The following BEND2 variants were observed in gnomAD, a reference collection of about 807,000 sequenced individuals.
BEND2 encodes the protein BEN domain-containing protein 2.
BEND2 carries 19 observed loss-of-function variants against 43.8 expected under a neutral mutation model. That is an observed-to-expected ratio of 0.43 (90% CI 0.30 to 0.64). BEND2 has a LOEUF of 0.64. Ranked by LOEUF, BEND2 falls within the 30% of genes least tolerant of loss-of-function variation. BEND2 has a pLI of 0.11. For missense variants in BEND2, 544 were observed against 574.0 expected, an observed-to-expected ratio of 0.95 and a Z score of 0.53; for synonymous variants, 226 against 210.1, an observed-to-expected ratio of 1.08 and a Z score of -0.66.
At chrX:18,200,502 C>CAAA (rs397895069) in intron 6 of BEND2, among the ~76,000 whole-genome samples, 1 of 38,512 alleles carries the variant, frequency 2.6e-5, no homozygotes, top group East Asian at 9.1e-4. Context: ...GACTCTGTCT[C>CAAA]AAAAAAAAAA....
At chrX:18,198,730 C>G (rs1925042018) in intron 6 of BEND2, among the ~76,000 whole-genome samples, 1 of 110,641 alleles carries the variant, frequency 9.0e-6, no homozygotes, top group Non-Finnish European at 1.9e-5. Context: ...ATAAATCATG[C>G]TGCTATAAAG....
chrX:18,201,762 G>A (rs1925172776), intron 6 of BEND2, 53 bp downstream of exon 6: 2 of 1,151,960 alleles, frequency 1.7e-6, no homozygotes, highest in South Asian at 2.0e-5. Context: ...CAAAGTGCTG[G>A]GATTACAAGT....
chrX:18,174,612 TTC>T (rs1029183264), intron 11 of BEND2, among the ~76,000 whole-genome samples: 3 of 112,083 alleles, frequency 2.7e-5, no homozygotes, highest in African/African-American at 6.5e-5. Context: ...TTTGTTTGTA[TTC>T]TTTTTCCCTA....
At chrX:18,198,816 T>G (rs1355416037) in intron 6 of BEND2, among the ~76,000 whole-genome samples, 1 of 108,200 alleles carries the variant, frequency 9.2e-6, no homozygotes, top group African/African-American at 3.4e-5. Flanking sequence ...TGTCCAACAA[T>G]GATAGACTGG....
intron 1 of BEND2, among the ~76,000 whole-genome samples, chrX:18,220,134 G>T (rs1925818551): frequency 9.0e-6 from 1 of 111,222 alleles, no homozygotes. Flanking sequence ...CGGGAGAGGC[G>T]GCGGGTACCA....
At chrX:18,180,762 G>T in intron 8 of BEND2, 112 bp from the exon 9 acceptor site, 1 of 538,845 alleles carries the variant, frequency 1.9e-6, no homozygotes, top group Non-Finnish European at 2.9e-6. Context: ...TTTGTTGCCA[G>T]CAGACCTACT....
intron 2 of BEND2, among the ~76,000 whole-genome samples, chrX:18,214,840 GA>G (rs1227095043): frequency 1.7e-4 from 14 of 83,577 alleles, no homozygotes; most frequent in African/African-American, 3.5e-4. Context: ...AAAAAAGAAA[GA>G]AAAAAAAATT....
chrX:18,188,633 T>C (rs780872402), intron 8 of BEND2, among the ~76,000 whole-genome samples: 72 of 111,748 alleles, frequency 6.4e-4, no homozygotes, highest in Non-Finnish European at 1.2e-3. Flanking sequence ...GAAGCCATAA[T>C]AGAATTCTCC....
Position 18,220,841 on chromosome X carries a change from T to C in BEND2, c.-91A>G. 1 of 994,674 alleles carries C rather than the reference T, an allele frequency of 1.0e-6. No individual in the cohort carries two copies. 82.0% of individuals were successfully genotyped at this position (994,674 alleles called of 1,213,427 possible). A position where few individuals can be genotyped will look rare whatever the true frequency, so the allele number is the denominator to read the frequency against. Reference sequence around the variant, plus strand: ...GCGCCGCGGCTCTGAGGTAACTGCTTGGTAACTGTGTGGTAACTGCGTACA... The same window carrying C: ...GCGCCGCGGCTCTGAGGTAACTGCTCGGTAACTGTGTGGTAACTGCGTACA... On this transcript the variant is annotated 5_prime_UTR_variant, in exon 1 of 14. Transcript: ENST00000380033.
chrX:18,174,983 G>A (rs1458777123), intron 11 of BEND2, among the ~76,000 whole-genome samples: 1 of 111,369 alleles, frequency 9.0e-6, no homozygotes, highest in Non-Finnish European at 1.9e-5. Context: ...TACTCTGAGT[G>A]GCAAGGACCT....
intron 8 of BEND2, among the ~76,000 whole-genome samples, chrX:18,181,477 T>C (rs1479022003): frequency 9.0e-6 from 1 of 111,131 alleles, no homozygotes; most frequent in Non-Finnish European, 1.9e-5. Context: ...CAGAATACTA[T>C]TCAGCAATAA....
At chrX:18,169,036 C>T (rs1276013649) in intron 13 of BEND2, among the ~76,000 whole-genome samples, 8 of 110,239 alleles carry the variant, frequency 7.3e-5, no homozygotes, top group South Asian at 3.9e-4. Context: ...AGGCCAAGAT[C>T]GGAGGATTGC....
chrX:18,173,239 G>T (rs1480389555), intron 12 of BEND2, among the ~76,000 whole-genome samples: 1 of 110,967 alleles, frequency 9.0e-6, no homozygotes, highest in Non-Finnish European at 1.9e-5. Context: ...CCTGACGCTC[G>T]CTCAGTTCTT....
At chrX:18,199,521 A>G (rs1350303246) in intron 6 of BEND2, among the ~76,000 whole-genome samples, 1 of 112,270 alleles carries the variant, frequency 8.9e-6, no homozygotes, top group African/African-American at 3.2e-5. Flanking sequence ...GATGCAGGAT[A>G]TAGTTCTTTA....
At chrX:18,206,506 C>T (rs954959333) in intron 4 of BEND2, among the ~76,000 whole-genome samples, 1 of 110,770 alleles carries the variant, frequency 9.0e-6, no homozygotes, top group Non-Finnish European at 1.9e-5. Context: ...GAAGTGGCTT[C>T]TCCAAGCTGT....
chrX:18,204,491 G>A (rs1321564853), intron 4 of BEND2, among the ~76,000 whole-genome samples: 1 of 112,317 alleles, frequency 8.9e-6, no homozygotes, highest in Non-Finnish European at 1.9e-5. Context: ...CGGTCAACCT[G>A]CATAGTGGTA....
At chrX:18,212,510 G>T (rs1459426629) in intron 4 of BEND2, 55 bp downstream of exon 4, 48 of 864,237 alleles carry the variant, frequency 5.6e-5, no homozygotes, top group Non-Finnish European at 7.7e-5. Context: ...AAATACAGCA[G>T]AATGAAAAGA....
intron 8 of BEND2, among the ~76,000 whole-genome samples, chrX:18,186,786 C>T (rs746854066): frequency 6.4e-5 from 7 of 108,782 alleles, no homozygotes; most frequent in East Asian, 2.9e-4. Flanking sequence ...GGAAACATGG[C>T]GAAACCCTAT....
At chrX:18,190,232 T>C (rs144384318) in intron 8 of BEND2, among the ~76,000 whole-genome samples, 1,152 of 111,526 alleles carry the variant, frequency 0.01, 18 homozygotes, top group African/African-American at 0.036. Flanking sequence ...TCGGCATTTA[T>C]CACAGAAAAA....
Sources: gnomAD v4.1 joint callset for allele counts (sites outside exome capture counted in the v4.1 genomes callset) on GRCh38, gnomAD v4.1.1 for gene constraint, MANE v1.5 for transcripts, NCBI Gene and HGNC (gene_info 2026-07-23, HGNC 2026-07-21) for gene names.